Variants in TRPM7 observed in about 807,000 individuals in gnomAD.
TRPM7 encodes the protein transient receptor potential cation channel subfamily M member 7.
A neutral mutation model predicts 229.7 loss-of-function variants in TRPM7; 134 were observed. The observed-to-expected ratio is 0.58, with a 90% CI of 0.51 to 0.67. The LOEUF (loss-of-function observed/expected upper bound fraction) is 0.67. Ranked by LOEUF, TRPM7 falls within the 30% of genes least tolerant of loss-of-function variation. The pLI is 0.00. For synonymous variants in TRPM7, 699 were observed against 715.2 expected (o/e 0.98, Z 0.36); for missense variants, 1,901 against 2,210.0 (o/e 0.86, Z 2.80).
intron 5 of TRPM7, among the ~76,000 whole-genome samples, chr15:50,641,592 A>C (rs1157138476): frequency 1.3e-5 from 2 of 152,130 alleles, no homozygotes; most frequent in East Asian, 3.8e-4. Flanking sequence ...TTACTGAGTT[A>C]TCTGTTTCTT....
chr15:50,608,538 G>A (rs1234796396), intron 19 of TRPM7, among the ~76,000 whole-genome samples: 1 of 152,148 alleles, frequency 6.6e-6, no homozygotes, highest in Non-Finnish European at 1.5e-5. Context: ...GCAAATGTAA[G>A]CAAACTGCCC....
At chr15:50,654,212 A>G (rs2061496234) in intron 3 of TRPM7, among the ~76,000 whole-genome samples, 1 of 151,900 alleles carries the variant, frequency 6.6e-6, no homozygotes, top group Non-Finnish European at 1.5e-5. Flanking sequence ...TTGGGAGGCC[A>G]AGGCGGGCGG....
chr15:50,619,396 A>C (rs751666286), intron 13 of TRPM7, among the ~76,000 whole-genome samples: 4 of 151,160 alleles, frequency 2.6e-5, no homozygotes, highest in Non-Finnish European at 5.9e-5. Flanking sequence ...AATTTTTTTA[A>C]CTTTTCGTAG....
chr15:50,592,475 C>T lies in TRPM7; in HGVS notation c.3760G>A (p.Ala1254Thr), dbSNP rs377415431. Residue 1254 changes from alanine (A) to threonine (T), a missense_variant, in exon 26 of 39, where the codon GCG (alanine) becomes ACG (threonine). Physicochemically the swap from Ala to Thr is moderately conservative, Grantham distance 58. Coordinates refer to ENST00000646667, the MANE Select transcript of TRPM7 (RefSeq NM_017672.6). Reference sequence around the variant, plus strand: ...TTATGAACTTTGCTAGCTTCCGACGCTTTCTGGGCAGTGAGTGTTTTTAAT... The same window carrying T: ...TTATGAACTTTGCTAGCTTCCGACGTTTTCTGGGCAGTGAGTGTTTTTAAT... ...DTLKTLTAQKASEASKVHNEI... is the reference protein window; with the variant it reads ...DTLKTLTAQKTSEASKVHNEI... 15 of 1,614,032 alleles carry T rather than the reference C, an allele frequency of 9.3e-6. No homozygotes were observed. In the African/African-American group the frequency reaches 1.6e-4, roughly 17 times the overall value.
intron 1 of TRPM7, among the ~76,000 whole-genome samples, chr15:50,676,636 C>T (rs187674085): frequency 1.0e-3 from 152 of 151,998 alleles, no homozygotes; most frequent in Middle Eastern, 6.8e-3. Flanking sequence ...AGAAACCAGA[C>T]GGAGTCTATA....
rs148410701 is a variant in TRPM7, at chr15:50,654,420, C to T, written c.122+3361G>A. On this transcript the variant is annotated intron_variant, in intron 3 of 38. Coordinates refer to ENST00000646667, the MANE Select transcript of TRPM7 (RefSeq NM_017672.6). ...TGAGATTGCAGCACTGCACTCCAGC[C>T]TGGGCAACAGAACAAGACACCATCT... Among the ~76,000 whole-genome samples, 9 of 150,874 alleles carry T rather than the reference C, an allele frequency of 6.0e-5. No individual in the cohort carries two copies. In the East Asian group the frequency reaches 1.6e-3, roughly 26 times the overall value.
chr15:50,646,213 G>A (rs2061260514), intron 4 of TRPM7, among the ~76,000 whole-genome samples: 2 of 152,076 alleles, frequency 1.3e-5, no homozygotes. Context: ...TGAGCTCACT[G>A]TTGGGCAAGG....
intron 26 of TRPM7, among the ~76,000 whole-genome samples, chr15:50,590,395 T>C (rs550617925): frequency 2.6e-5 from 4 of 152,264 alleles, no homozygotes; most frequent in South Asian, 2.1e-4. Context: ...AACACTTTAA[T>C]GACCTTAATG....
chr15:50,684,573 G>A (rs371745262), intron 1 of TRPM7, among the ~76,000 whole-genome samples: 6 of 151,960 alleles, frequency 3.9e-5, no homozygotes, highest in East Asian at 1.9e-4. Flanking sequence ...CCCAGGAGGC[G>A]GAGGCTGCAG....
rs1040799193 is a variant in TRPM7, at chr15:50,621,179, A to C, written c.1441-1381T>G. On this transcript the variant is annotated intron_variant, in intron 12 of 38. Coordinates refer to ENST00000646667, the MANE Select transcript of TRPM7 (RefSeq NM_017672.6). Reference sequence around the variant, plus strand: ...TCTCAAAAAAAAAAAAAAAAAAAAAAAAACCTATTTATTTAGTCGATCAAC... The same window carrying C: ...TCTCAAAAAAAAAAAAAAAAAAAAACAAACCTATTTATTTAGTCGATCAAC... 4.0e-5 allele frequency among the ~76,000 whole-genome samples: 6 copies of C among 150,542 alleles called. 1 individual carries two copies. The highest frequency in any genetic ancestry group is 7.4e-5 in the Non-Finnish European group (5 of 67,830).
In TRPM7 at chr15:50,607,533, A is replaced by G. The variant is rs372504291; in HGVS notation, c.2581-205T>C. Among the ~76,000 whole-genome samples, 311 of 152,338 alleles carry G rather than the reference A, an allele frequency of 2.0e-3. 12 individuals are homozygous for G. The South Asian group carries it at 0.061, about 30-fold the overall frequency. On this transcript the variant is annotated intron_variant, in intron 19 of 38. Transcript: ENST00000646667. The stretch of plus-strand genomic sequence containing the variant: ...TTGGTGTATAAATGGTCCCCAGAGT[A>G]TAAACGTGTTGTTCTACAACTCTTG...
intron 29 of TRPM7, 137 bp from the exon 30 acceptor site, chr15:50,581,045 A>G: frequency 2.9e-6 from 2 of 680,334 alleles, no homozygotes; most frequent in East Asian, 5.6e-5. Context: ...TTGTTTCATA[A>G]AACAATAAAT....
Position 50,581,938 on chromosome 15 carries a change from G to A in TRPM7, c.4558-1030C>T, listed in dbSNP as rs144436930. Among the ~76,000 whole-genome samples the A allele has an allele frequency of 9.2e-4, 139 of 150,908 alleles. 1 individual carries two copies. Among genetic ancestry groups the A allele is most frequent in the African/African-American group, 3.3e-3 (134 of 41,044 alleles). ...CAGTTTAGTAATTTTCCCTTCAGAT[G>A]TGCCTAATCTGTTAATTAACTCCCA... is the stretch of plus-strand genomic sequence containing the variant. On this transcript the variant is annotated intron_variant, in intron 29 of 38. Transcript: ENST00000646667.
chr15:50,569,305 C>T (rs1034144601), intron 38 of TRPM7, among the ~76,000 whole-genome samples: 1 of 152,152 alleles, frequency 6.6e-6, no homozygotes, highest in Non-Finnish European at 1.5e-5. Flanking sequence ...TTGTAATTCT[C>T]TGCATACAAA....
chr15:50,609,955 G>A lies in TRPM7; in HGVS notation c.2287C>T (p.Leu763=). The A allele has an allele frequency of 6.3e-7, 1 of 1,590,724 alleles. No homozygotes were observed. The highest frequency in any genetic ancestry group is 2.2e-5 in the East Asian group (1 of 44,544). Residue 763 remains leucine (L), a synonymous_variant, in exon 18 of 39, where the codon CTA becomes TTA. Transcript: ENST00000646667. ...ATGGCAGGTGGAACTAAAATGCTTA[G>A]TATGACCTAAATTTTTAGAAACATA... ...MRKNSWYKVI[L]SILVPPAILL...
At chr15:50,585,030 C>G (rs2054619384) in intron 28 of TRPM7, among the ~76,000 whole-genome samples, 1 of 151,006 alleles carries the variant, frequency 6.6e-6, no homozygotes, top group African/African-American at 2.4e-5. Context: ...CGTGCGCCAC[C>G]ACATCTAGCT....
intron 7 of TRPM7, among the ~76,000 whole-genome samples, chr15:50,635,839 C>T (rs1387822372): frequency 2.0e-5 from 3 of 151,154 alleles, no homozygotes; most frequent in East Asian, 3.9e-4. Context: ...TTAGCTGGGG[C>T]GTGGTGGCGA....
chr15:50,593,772 A>C, intron 24 of TRPM7, 23 bp from the exon 25 acceptor site: 2 of 1,591,012 alleles, frequency 1.3e-6, no homozygotes, highest in South Asian at 2.3e-5. Flanking sequence ...AAGGAGAAGA[A>C]AATCAAGGAA....
At chr15:50,578,615 G>A (rs747261251) in intron 31 of TRPM7, 24 bp downstream of exon 31, 46 of 1,604,194 alleles carry the variant, frequency 2.9e-5, no homozygotes, top group Non-Finnish European at 3.4e-5. Context: ...TTTTTTTCAC[G>A]TTCAATCTAC....
Sources: allele counts gnomAD v4.1 joint callset (sites outside exome capture counted in the v4.1 genomes callset), GRCh38; gene constraint gnomAD v4.1.1; transcripts MANE v1.5; gene names NCBI Gene and HGNC (gene_info 2026-07-23, HGNC 2026-07-21).